The following NHS variants were observed in gnomAD, a reference collection of about 807,000 sequenced individuals.
The protein encoded by NHS is NHS actin remodeling regulator.
NHS carries 5 observed loss-of-function variants against 72.5 expected under a neutral mutation model. That is an observed-to-expected ratio of 0.07 (90% CI 0.04 to 0.14). The LOEUF is 0.14. Ranked by LOEUF, NHS falls within the 10% of genes least tolerant of loss-of-function variation. NHS has a pLI of 1.00. For synonymous variants in NHS, 464 were observed against 547.7 expected, an observed-to-expected ratio of 0.85 and a Z score of 2.13; for missense variants, 1,072 against 1,355.7, an observed-to-expected ratio of 0.79 and a Z score of 3.29.
At chrX:17,578,575 CTA>C (rs767232991) in intron 1 of NHS, among the ~76,000 whole-genome samples, 2 of 111,843 alleles carry the variant, frequency 1.8e-5, no homozygotes, top group Non-Finnish European at 3.8e-5. Flanking sequence ...CAGTGAGTTC[CTA>C]TATATCGAAA....
intron 1 of NHS, among the ~76,000 whole-genome samples, chrX:17,398,400 T>A (rs1268225384): frequency 8.9e-6 from 1 of 112,565 alleles, no homozygotes; most frequent in African/African-American, 3.2e-5. Context: ...TGGCTCAAAG[T>A]TGTAAAATCA....
intron 3 of NHS, among the ~76,000 whole-genome samples, chrX:17,713,338 G>C (rs1434273567): frequency 8.9e-6 from 1 of 111,950 alleles, no homozygotes; most frequent in Non-Finnish European, 1.9e-5. Flanking sequence ...GAAAATAAAA[G>C]CCCATATCAC....
chrX:17,493,632 T>C (rs1440758757), intron 1 of NHS, among the ~76,000 whole-genome samples: 1 of 111,504 alleles, frequency 9.0e-6, no homozygotes, highest in Non-Finnish European at 1.9e-5. Context: ...AGGGAAGTTA[T>C]GGAGATGTAT....
chrX:17,484,501 C>T (rs1415092409), intron 1 of NHS, among the ~76,000 whole-genome samples: 1 of 111,742 alleles, frequency 8.9e-6, no homozygotes, highest in Non-Finnish European at 1.9e-5. Context: ...CACGGGGAAG[C>T]ACTAGGGTGG....
chrX:17,569,242 CTG>C (rs1191140122), intron 1 of NHS, among the ~76,000 whole-genome samples: 1 of 111,844 alleles, frequency 8.9e-6, no homozygotes, highest in Non-Finnish European at 1.9e-5. Flanking sequence ...AATCGCCACA[CTG>C]TCTTTCACAA....
chrX:17,524,221 C>G (rs1169804530), intron 1 of NHS, among the ~76,000 whole-genome samples: 2 of 112,030 alleles, frequency 1.8e-5, no homozygotes, highest in Non-Finnish European at 3.8e-5. Flanking sequence ...TATCCCTTCT[C>G]TCCCCCACAC....
chrX:17,505,425 G>A (rs1009491087), intron 1 of NHS, among the ~76,000 whole-genome samples: 1 of 111,517 alleles, frequency 9.0e-6, no homozygotes, highest in Non-Finnish European at 1.9e-5. Flanking sequence ...TACCCTGTGT[G>A]TATGAGAACC....
At position 17,712,393 on chromosome X, in the gene NHS, CAT is replaced by C. The variant is rs3074204; in HGVS notation, c.853-6932_853-6931del. 8.9e-3 allele frequency among the ~76,000 whole-genome samples: 724 copies of C among 81,374 alleles called. 5 individuals carry two copies. Among genetic ancestry groups the C allele is most frequent in the African/African-American group, 0.028 (533 of 19,204 alleles). 70.7% of individuals were successfully genotyped at this position (81,374 alleles called of 115,157 possible). A position where few individuals can be genotyped will look rare whatever the true frequency, so the allele number is the denominator to read the frequency against. On this transcript the variant is annotated intron_variant, in intron 3 of 8. Coordinates refer to ENST00000676302, the MANE Select transcript of NHS (RefSeq NM_001291867.2). ...ACACACACACACACACACACACACA[CAT>C]ATATATATATATATATATTGCAAAG...
rs753150025 is a variant in NHS, at chrX:17,728,759, T to C, written c.4333T>C (p.Phe1445Leu). Reference sequence around the variant, plus strand: ...CAAACCTCGAACAACTGAGGATTTATTTGCAGTCATTCACAGGTGAGGCAA... The same window carrying C: ...CAAACCTCGAACAACTGAGGATTTACTTGCAGTCATTCACAGGTGAGGCAA... ...PNKPRTTEDL[F>L]AVIHRSKRKV... is the part of the protein sequence containing the mutation. Residue 1445 changes from phenylalanine to leucine, a missense_variant, in exon 8 of 9, where the codon TTT becomes CTT. By Grantham distance (22) the Phe-to-Leu change is conservative (BLOSUM62 0). Coordinates refer to ENST00000676302, the MANE Select transcript of NHS (RefSeq NM_001291867.2). The C allele has an allele frequency of 8.3e-7, 1 of 1,211,576 alleles. No individual in the cohort carries two copies. Among genetic ancestry groups the C allele is most frequent in the Admixed American group, 2.2e-5 (1 of 46,033 alleles).
At chrX:17,578,285 T>C (rs1601783269) in intron 1 of NHS, among the ~76,000 whole-genome samples, 1 of 112,412 alleles carries the variant, frequency 8.9e-6, no homozygotes, top group Non-Finnish European at 1.9e-5. Context: ...TCAGTAACTA[T>C]GAAGAATAAT....
intron 1 of NHS, among the ~76,000 whole-genome samples, chrX:17,622,137 A>T (rs765879667): frequency 8.9e-6 from 1 of 111,835 alleles, no homozygotes; most frequent in Non-Finnish European, 1.9e-5. Context: ...TGACCATTTG[A>T]CTGAGTGTGT....
chrX:17,602,573 G>A (rs1413859341), intron 1 of NHS, among the ~76,000 whole-genome samples: 1 of 111,307 alleles, frequency 9.0e-6, no homozygotes, highest in East Asian at 2.8e-4. Flanking sequence ...AAATGGAGAG[G>A]AGATAAATAT....
At chrX:17,604,930 C>T (rs1016463056) in intron 1 of NHS, among the ~76,000 whole-genome samples, 1 of 111,887 alleles carries the variant, frequency 8.9e-6, no homozygotes, top group African/African-American at 3.3e-5. Flanking sequence ...TAGCCCAACC[C>T]CAATAAAACA....
At chrX:17,418,917 C>T (rs2064609706) in intron 1 of NHS, among the ~76,000 whole-genome samples, 1 of 112,023 alleles carries the variant, frequency 8.9e-6, no homozygotes, top group African/African-American at 3.2e-5. Flanking sequence ...TGATGTCAGG[C>T]TGGAGACTGA....
intron 1 of NHS, among the ~76,000 whole-genome samples, chrX:17,508,682 C>T (rs759265343): frequency 5.2e-4 from 58 of 111,388 alleles, no homozygotes; most frequent in African/African-American, 1.9e-3. Context: ...GTTGGCCAGG[C>T]TAGACTTGAA....
At chrX:17,493,146 C>T (rs2064998825) in intron 1 of NHS, among the ~76,000 whole-genome samples, 1 of 112,472 alleles carries the variant, frequency 8.9e-6, no homozygotes, top group African/African-American at 3.2e-5. Flanking sequence ...AATATTGTTT[C>T]ACCTATACCT....
chrX:17,691,818 G>A (rs763062794), intron 2 of NHS, among the ~76,000 whole-genome samples: 1 of 112,290 alleles, frequency 8.9e-6, no homozygotes, highest in Non-Finnish European at 1.9e-5. Context: ...CAGCAAACAT[G>A]TGATGTAAAT....
intron 1 of NHS, among the ~76,000 whole-genome samples, chrX:17,561,556 A>ATG (rs2065412530): frequency 1.4e-5 from 1 of 70,545 alleles, no homozygotes; most frequent in Non-Finnish European, 2.3e-5. Flanking sequence ...ATGCAAGTGC[A>ATG]TGCGCGCGCG....
At chrX:17,491,205 C>A (rs6527803) in intron 1 of NHS, among the ~76,000 whole-genome samples, 2 of 110,259 alleles carry the variant, frequency 1.8e-5, no homozygotes, top group Non-Finnish European at 3.8e-5. Context: ...TCTTGGGCCG[C>A]TTTTCAAAGG....
Sources: gnomAD v4.1 joint callset for allele counts (sites outside exome capture counted in the v4.1 genomes callset) on GRCh38, gnomAD v4.1.1 for gene constraint, MANE v1.5 for transcripts, NCBI Gene and HGNC (gene_info 2026-07-23, HGNC 2026-07-21) for gene names.